Variants in DST observed in about 807,000 individuals in gnomAD.
DST encodes the protein dystonin.
A neutral mutation model predicts 875.2 loss-of-function variants in DST; 253 were observed. The observed-to-expected ratio is 0.29, with a 90% CI of 0.26 to 0.32. The LOEUF is 0.32. Ranked by LOEUF, DST falls within the 10% of genes least tolerant of loss-of-function variation. The pLI is 1.00. For synonymous variants in DST, 3,124 were observed against 3,197.1 expected, an observed-to-expected ratio of 0.98 and a Z score of 0.77; for missense variants, 8,287 against 9,111.6, an observed-to-expected ratio of 0.91 and a Z score of 3.68.
At chr6:56,562,921 T>A (rs1367562351) in intron 55 of DST, among the ~76,000 whole-genome samples, 5 of 152,200 alleles carry the variant, frequency 3.3e-5, no homozygotes, top group Non-Finnish European at 5.9e-5. Context: ...CATGAACATA[T>A]CCTTTTTTAT....
chr6:56,747,046 AAAC>A, intron 4 of DST, among the ~76,000 whole-genome samples: 1 of 152,182 alleles, frequency 6.6e-6, no homozygotes, highest in East Asian at 1.9e-4. Context: ...CTGAGATACA[AAAC>A]AGTGAAGGCA....
chr6:56,492,624 C>A (rs1446177029), intron 84 of DST, among the ~76,000 whole-genome samples, 191 bp from the exon 85 acceptor site: 1 of 152,142 alleles, frequency 6.6e-6, no homozygotes, highest in African/African-American at 2.4e-5. Context: ...GTGATCAGCA[C>A]TTTTGGAGGC....
chr6:56,569,205 G>T (rs1196459881), intron 54 of DST, among the ~76,000 whole-genome samples: 1 of 151,436 alleles, frequency 6.6e-6, no homozygotes. Flanking sequence ...GCCACCTGTA[G>T]TCCCAGCTAC....
chr6:56,718,784 G>C (rs56094263), intron 5 of DST, among the ~76,000 whole-genome samples: 8,770 of 152,178 alleles, frequency 0.058, 766 homozygotes, highest in African/African-American at 0.19. Context: ...AAAATATTAT[G>C]CTAACTAAAA....
rs747341641 is a variant in DST, at chr6:56,608,777, C to T, written c.5851G>A (p.Val1951Met). The T allele has an allele frequency of 5.0e-6, 8 of 1,609,688 alleles. No homozygotes were observed. The Admixed American group carries it at 8.4e-5, about 17-fold the overall frequency. Reference protein sequence around the residue: ...QENTGMWLLPVRPQEGGRITL... With the variant: ...QENTGMWLLPMRPQEGGRITL... The stretch of plus-strand genomic sequence containing the variant: ...ATTCTACCTCCTTCTTGTGGTCTCA[C>T]AGGTAGAAGCCACATCCCTGTGTTT... The change falls in exon 40 of 104, where the codon GTG (valine) becomes ATG (methionine). Residue 1951 changes from valine (V) to methionine (M), a missense_variant. This residue lies in a region of DST where 3,138 missense variants were observed against 3,116.6 expected (regional missense o/e 1.01). Coordinates refer to ENST00000680361, the MANE Select transcript of DST (RefSeq NM_001374736.1).
intron 47 of DST, among the ~76,000 whole-genome samples, chr6:56,595,130 A>G (rs1377295455): frequency 1.3e-5 from 2 of 152,144 alleles, no homozygotes; most frequent in Non-Finnish European, 2.9e-5. Context: ...CATTTCTTAT[A>G]ATGGCTTACA....
rs535854679 is a variant in DST at position 56,644,775 on chromosome 6, G to A, written c.1778+1091C>T. ...AGTGTGGCTACTGTGCAGAGAGCAA[G>A]GGGGCTGGAGAGGTGTGTCTGGCCA... On this transcript the variant is annotated intron_variant, in intron 15 of 103. Coordinates refer to ENST00000680361, the MANE Select transcript of DST (RefSeq NM_001374736.1). 3.3e-5 allele frequency among the ~76,000 whole-genome samples: 5 copies of A among 152,312 alleles called. No homozygotes were observed. In the South Asian group the frequency reaches 1.0e-3, roughly 32 times the overall value.
At position 56,460,216 on chromosome 6, in the gene DST, T is replaced by C. The variant is rs368992091; in HGVS notation, c.23109A>G (p.Gly7703=). 6.2e-7 allele frequency: 1 copy of C among 1,613,968 alleles called. No individual in the cohort carries two copies. Residue 7703 remains glycine (G), a synonymous_variant, in exon 103 of 104, where the codon GGA becomes GGG. Coordinates refer to ENST00000680361, the MANE Select transcript of DST (RefSeq NM_001374736.1). The stretch of plus-strand genomic sequence containing the variant: ...AGTGGAAGCCTTTCCCTGATAAATA[T>C]CCTGGAAGTCGAAGCTTGCTTCCTT... ...PIQGSKLRLP[G]YLSGKGFHSG...
chr6:56,529,479 T>G lies in DST; in HGVS notation c.17564A>C (p.Glu5855Ala), dbSNP rs2096858899. The G allele has an allele frequency of 6.4e-7, 1 of 1,564,430 alleles. No individual in the cohort carries two copies. The highest frequency in any genetic ancestry group is 2.3e-5 in the East Asian group (1 of 43,868). ...SKLSVQDYST[E>A]GLWKQQSELR... ...TTCAGACTGCTGCTTCCATAGCCCC[T>G]CAGTGCTGTAATCCTGGACTGAGAG... The change falls in exon 66 of 104, where the codon GAG becomes GCG. Residue 5855 changes from glutamate to alanine, a missense_variant. Around this residue, in one of 10 missense-constraint regions of DST, gnomAD observed 777 missense variants for 764.8 expected, o/e 1.02. Transcript: ENST00000680361.
At chr6:56,580,686 A>C (rs1428565634) in intron 49 of DST, among the ~76,000 whole-genome samples, 1 of 151,548 alleles carries the variant, frequency 6.6e-6, no homozygotes, top group African/African-American at 2.4e-5. Context: ...GAAGTGTCCA[A>C]AGATTTTGAG....
At chr6:56,640,829 C>T (rs185789298) in intron 17 of DST, among the ~76,000 whole-genome samples, 29 of 152,092 alleles carry the variant, frequency 1.9e-4, no homozygotes, top group Admixed American at 1.5e-3. Context: ...TTTCAGTATG[C>T]CTAAACGGCT....
chr6:56,731,945 G>C (rs1339333436), intron 5 of DST, among the ~76,000 whole-genome samples: 1 of 152,038 alleles, frequency 6.6e-6, no homozygotes, highest in Non-Finnish European at 1.5e-5. Context: ...TATTTTAAAT[G>C]ATATAATAAA....
At chr6:56,939,681 ATTTAT>A (rs957461074) in intron 2 of DST, among the ~76,000 whole-genome samples, 1 of 151,934 alleles carries the variant, frequency 6.6e-6, no homozygotes, top group Non-Finnish European at 1.5e-5. Flanking sequence ...TCTTTTTTAT[ATTTAT>A]TTTATTTTTA....
chr6:56,596,007 T>TATTTATTTATTTATTTATTTATTTA (rs773304161), intron 47 of DST, among the ~76,000 whole-genome samples: 2 of 145,786 alleles, frequency 1.4e-5, no homozygotes, highest in Admixed American at 6.7e-5. Context: ...ACTTTCTTTC[T>TATTTATTTATTTATTTATTTATTTA]TTTATTTATT....
At chr6:56,667,088 T>C (rs76731622) in intron 10 of DST, among the ~76,000 whole-genome samples, 2,760 of 152,264 alleles carry the variant, frequency 0.018, 74 homozygotes, top group African/African-American at 0.061. Flanking sequence ...TTTTAAATTT[T>C]TTGTAGAGAT....
At chr6:56,942,757 C>G (rs72881066) in intron 2 of DST, among the ~76,000 whole-genome samples, 1 of 140,590 alleles carries the variant, frequency 7.1e-6, no homozygotes, top group Non-Finnish European at 1.5e-5. Context: ...GCTCTGCTGC[C>G]CAGGCTAGAG....
rs117326292 is a variant in DST at position 56,464,579 on chromosome 6, C to T, written c.22759+106G>A. On this transcript the variant is annotated intron_variant, in intron 100 of 103. Coordinates refer to ENST00000680361, the MANE Select transcript of DST (RefSeq NM_001374736.1). The stretch of plus-strand genomic sequence containing the variant: ...TCAGCTGGATATGAGTTAAGCCATA[C>T]GCGATGGATGAAGCATGTTATTTTA... 424 of 815,688 alleles carry T rather than the reference C, an allele frequency of 5.2e-4. 3 individuals are homozygous for T. The East Asian group carries it at 6.2e-3, about 12-fold the overall frequency. The allele number at this position is 815,688 out of a possible 1,614,324, so 50.5% of individuals were successfully genotyped here. A position where few individuals can be genotyped will look rare whatever the true frequency, so the allele number is the denominator to read the frequency against.
intron 88 of DST, 44 bp downstream of exon 88, chr6:56,485,268 G>A: frequency 6.2e-7 from 1 of 1,605,652 alleles, no homozygotes; most frequent in Non-Finnish European, 8.5e-7. Flanking sequence ...TGTACACTCA[G>A]AATAATCAAA....
At chr6:56,663,988 T>G (rs966701812) in intron 10 of DST, among the ~76,000 whole-genome samples, 4 of 152,074 alleles carry the variant, frequency 2.6e-5, no homozygotes, top group Admixed American at 1.3e-4. Flanking sequence ...TATTTTTATT[T>G]TTTAAAGGCA....
Sources: gnomAD v4.1 joint callset for allele counts (sites outside exome capture counted in the v4.1 genomes callset) on GRCh38, gnomAD v4.1.1 for gene constraint, gnomAD v4.1.1 regional missense constraint, MANE v1.5 for transcripts, NCBI Gene and HGNC (gene_info 2026-07-23, HGNC 2026-07-21) for gene names.